KCNN2: variants seen among roughly 807,000 people sequenced by gnomAD.
The protein encoded by KCNN2 is potassium calcium-activated channel subfamily N member 2, also known as small conductance calcium-activated potassium channel protein 2.
KCNN2 carries 24 observed loss-of-function variants against 55.5 expected under a neutral mutation model. The observed-to-expected ratio is 0.43, with a 90% CI of 0.31 to 0.61. The LOEUF (loss-of-function observed/expected upper bound fraction) is 0.61. Among genes scored for constraint, KCNN2 ranks in the 20% least tolerant of loss-of-function variants. The pLI, the probability that KCNN2 is intolerant of heterozygous loss-of-function variation, is 0.08. For missense variants in KCNN2, 754 were observed against 853.6 expected (o/e 0.88, Z 1.45); for synonymous variants, 431 against 336.1 (o/e 1.28, Z -3.09).
At chr5:114,285,283 C>CAAAAAA (rs70976334) in intron 2 of KCNN2, among the ~76,000 whole-genome samples, 1 of 56,284 alleles carries the variant, frequency 1.8e-5, no homozygotes, top group Non-Finnish European at 3.0e-5. Flanking sequence ...ACTCCATCTC[C>CAAAAAA]AAAAAAAAAA....
chr5:114,352,509 A>G (rs1757226817), intron 2 of KCNN2, among the ~76,000 whole-genome samples: 1 of 151,698 alleles, frequency 6.6e-6, no homozygotes, highest in African/African-American at 2.4e-5. Flanking sequence ...TTAAAGTAAT[A>G]TGTTAGCTTA....
chr5:114,073,790 A>G (rs1750625527), intron 1 of KCNN2, among the ~76,000 whole-genome samples: 1 of 152,248 alleles, frequency 6.6e-6, no homozygotes, highest in Non-Finnish European at 1.5e-5. Flanking sequence ...AGTAAATTGA[A>G]TGCTACTTAC....
Position 114,363,267 on chromosome 5 carries a change from G to C in KCNN2, c.1122+6G>C, listed in dbSNP as rs1757500308. Reference sequence around the variant, plus strand: ...CGTGGGGCGCCTACGACAAGGTACAGGCTTGAACCCCAGCCCACGCTACCG... The same window carrying C: ...CGTGGGGCGCCTACGACAAGGTACACGCTTGAACCCCAGCCCACGCTACCG... On this transcript the variant is annotated splice_donor_region_variant and intron_variant, in intron 1 of 7. Transcript: ENST00000673685. 3.1e-6 allele frequency: 5 copies of C among 1,590,960 alleles called. No individual in the cohort carries two copies. Among genetic ancestry groups the C allele is most frequent in the Non-Finnish European group, 4.3e-6 (5 of 1,168,368 alleles).
At chr5:114,279,795 A>G (rs1473898427) in intron 2 of KCNN2, among the ~76,000 whole-genome samples, 8 of 151,530 alleles carry the variant, frequency 5.3e-5, no homozygotes, top group Non-Finnish European at 1.0e-4. Context: ...CATGATTTAT[A>G]ATCCTTTGGG....
At chr5:114,266,015 G>A (rs1402049430) in intron 2 of KCNN2, among the ~76,000 whole-genome samples, 2 of 152,050 alleles carry the variant, frequency 1.3e-5, no homozygotes, top group Non-Finnish European at 2.9e-5. Flanking sequence ...CATGCATAAT[G>A]TTAGTAGCCA....
chr5:114,094,049 C>T (rs997573666), intron 1 of KCNN2, among the ~76,000 whole-genome samples: 16 of 152,318 alleles, frequency 1.1e-4, no homozygotes, highest in Admixed American at 8.5e-4. Context: ...TGCCAAGTAA[C>T]ATGCTACTTA....
chr5:114,141,937 A>T (rs1314354038), intron 1 of KCNN2, among the ~76,000 whole-genome samples: 6 of 152,122 alleles, frequency 3.9e-5, no homozygotes, highest in Non-Finnish European at 8.8e-5. Flanking sequence ...TTCTTTTGAG[A>T]AGTGTCTGTT....
At chr5:114,286,213 A>G (rs1398081748) in intron 2 of KCNN2, among the ~76,000 whole-genome samples, 1 of 152,200 alleles carries the variant, frequency 6.6e-6, no homozygotes, top group Non-Finnish European at 1.5e-5. Context: ...TTAAGTTTGA[A>G]TGACAGGGTA....
chr5:114,378,163 A>G (rs1757998313), intron 2 of KCNN2, among the ~76,000 whole-genome samples: 1 of 151,722 alleles, frequency 6.6e-6, no homozygotes, highest in South Asian at 2.1e-4. Context: ...AATCTGGCGT[A>G]TGTGTTTATA....
chr5:114,330,062 G>A (rs529808139), intron 2 of KCNN2, among the ~76,000 whole-genome samples: 8 of 152,278 alleles, frequency 5.3e-5, no homozygotes, highest in African/African-American at 1.9e-4. Flanking sequence ...CAAAGCCCCT[G>A]TGTGTTACAG....
intron 1 of KCNN2, among the ~76,000 whole-genome samples, chr5:114,153,498 A>T (rs1752568119): frequency 6.6e-6 from 1 of 152,226 alleles, no homozygotes; most frequent in South Asian, 2.1e-4. Context: ...AGACAAAAAA[A>T]AACTGTATCA....
At chr5:114,080,129 G>A (rs1750777484) in intron 1 of KCNN2, among the ~76,000 whole-genome samples, 1 of 152,122 alleles carries the variant, frequency 6.6e-6, no homozygotes, top group Non-Finnish European at 1.5e-5. Flanking sequence ...GAAAATGACT[G>A]GTGTCTCCTC....
intron 1 of KCNN2, among the ~76,000 whole-genome samples, chr5:114,133,598 T>A (rs1435061687): frequency 6.6e-6 from 1 of 152,140 alleles, no homozygotes; most frequent in Non-Finnish European, 1.5e-5. Flanking sequence ...TCCCACAGCT[T>A]CCATCAGGGC....
At chr5:114,056,573 A>G (rs1750213562) in intron 1 of KCNN2, 2 of 396,036 alleles carry the variant, frequency 5.1e-6, no homozygotes, top group East Asian at 3.6e-5. Context: ...TAGGGAGGAT[A>G]CTAAAGTGAA....
intron 2 of KCNN2, among the ~76,000 whole-genome samples, chr5:114,332,281 A>G (rs1354754244): frequency 6.6e-6 from 1 of 152,192 alleles, no homozygotes; most frequent in Non-Finnish European, 1.5e-5. Context: ...CCTGCATGGG[A>G]TGTGCCAATC....
chr5:114,319,572 A>G (rs1193565893), intron 2 of KCNN2, among the ~76,000 whole-genome samples: 1 of 152,128 alleles, frequency 6.6e-6, no homozygotes, highest in Non-Finnish European at 1.5e-5. Flanking sequence ...CTACTAGAAA[A>G]TCATTGTTTT....
chr5:114,170,970 AT>A (rs1753021424), intron 1 of KCNN2, among the ~76,000 whole-genome samples: 1 of 151,912 alleles, frequency 6.6e-6, no homozygotes, highest in South Asian at 2.1e-4. Flanking sequence ...CTGTGAGTGT[AT>A]TTCACTTTTG....
At chr5:114,412,772 CAT>C (rs1432766022) in intron 3 of KCNN2, among the ~76,000 whole-genome samples, 3 of 152,156 alleles carry the variant, frequency 2.0e-5, no homozygotes, top group African/African-American at 7.2e-5. Flanking sequence ...AAATTTGAAA[CAT>C]GTTACTTGGG....
chr5:114,486,968 G>C (rs1231460624), intron 5 of KCNN2, 82 bp from the exon 6 acceptor site: 2 of 1,489,202 alleles, frequency 1.3e-6, no homozygotes, highest in Admixed American at 1.8e-5. Context: ...ATGATCCTTG[G>C]GATGAAGACT....
Sources: gnomAD v4.1 joint callset for allele counts (sites outside exome capture counted in the v4.1 genomes callset) on GRCh38, gnomAD v4.1.1 for gene constraint, MANE v1.5 for transcripts, NCBI Gene and HGNC (gene_info 2026-07-23, HGNC 2026-07-21) for gene names.